The following SKAP1 variants were observed in gnomAD, a reference collection of about 807,000 sequenced individuals.
The protein encoded by SKAP1 is src kinase-associated phosphoprotein 1.
SKAP1 carries 44 observed loss-of-function variants against 58.5 expected under a neutral mutation model. The observed-to-expected ratio is 0.75, with a 90% confidence interval of 0.59 to 0.97. The LOEUF is 0.97. Ranked by LOEUF, SKAP1 falls within the 50% of genes least tolerant of loss-of-function variation. The pLI, the probability that SKAP1 is intolerant of heterozygous loss-of-function variation, is 0.00. For synonymous variants in SKAP1, 127 were observed against 149.7 expected (o/e 0.85, Z 1.11); for missense variants, 390 against 435.2 (o/e 0.90, Z 0.92).
At chr17:48,268,286 C>A (rs1470831) in intron 4 of SKAP1, among the ~76,000 whole-genome samples, 1 of 150,282 alleles carries the variant, frequency 6.7e-6, no homozygotes, top group African/African-American at 2.5e-5. Flanking sequence ...AAAAAACCCA[C>A]ACCTGTGTTA....
intron 4 of SKAP1, among the ~76,000 whole-genome samples, chr17:48,319,073 G>A (rs1198300069): frequency 2.0e-5 from 3 of 152,154 alleles, no homozygotes; most frequent in East Asian, 3.9e-4. Flanking sequence ...GGTTTTCTGA[G>A]AGAGTGAACA....
At chr17:48,372,472 A>G (rs1259330761) in intron 2 of SKAP1, among the ~76,000 whole-genome samples, 3 of 149,346 alleles carry the variant, frequency 2.0e-5, no homozygotes, top group African/African-American at 7.4e-5. Context: ...ATGCCCGGCT[A>G]ATTTTGTATT....
chr17:48,223,279 A>T (rs139783828), intron 4 of SKAP1, among the ~76,000 whole-genome samples: 1 of 152,272 alleles, frequency 6.6e-6, no homozygotes, highest in African/African-American at 2.4e-5. Flanking sequence ...CTTAACAAAG[A>T]TCTATGTAAG....
chr17:48,152,465 C>A (rs1305502553), intron 11 of SKAP1, among the ~76,000 whole-genome samples: 1 of 152,138 alleles, frequency 6.6e-6, no homozygotes, highest in Non-Finnish European at 1.5e-5. Context: ...GCCTCTTTGG[C>A]AGATTAGTGG....
intron 4 of SKAP1, among the ~76,000 whole-genome samples, chr17:48,280,472 G>A (rs570436807): frequency 5.3e-5 from 8 of 152,230 alleles, no homozygotes; most frequent in African/African-American, 1.7e-4. Context: ...GGGTGACAGA[G>A]TGAGACTCTG....
chr17:48,184,406 T>C (rs1186931845), intron 7 of SKAP1, among the ~76,000 whole-genome samples: 3 of 152,108 alleles, frequency 2.0e-5, no homozygotes, highest in African/African-American at 7.2e-5. Flanking sequence ...ATTTAAACCA[T>C]AAAATCGGAG....
chr17:48,262,363 G>T (rs1256117979), intron 4 of SKAP1, among the ~76,000 whole-genome samples: 1 of 152,154 alleles, frequency 6.6e-6, no homozygotes, highest in Non-Finnish European at 1.5e-5. Flanking sequence ...AAGAAAGCCA[G>T]AAAACTCCAA....
chr17:48,319,408 G>C (rs868305570), intron 4 of SKAP1, among the ~76,000 whole-genome samples: 8 of 152,202 alleles, frequency 5.3e-5, no homozygotes, highest in African/African-American at 1.7e-4. Context: ...AGAAAGAATT[G>C]GAGAAGACTT....
intron 5 of SKAP1, among the ~76,000 whole-genome samples, chr17:48,188,580 G>C (rs184985634): frequency 2.0e-5 from 3 of 152,232 alleles, no homozygotes; most frequent in East Asian, 3.9e-4. Flanking sequence ...TCAGCTCTTT[G>C]ACAGGCTGAA....
chr17:48,187,815 T>C (rs1356456113), intron 6 of SKAP1, 28 bp downstream of exon 6: 1 of 1,506,850 alleles, frequency 6.6e-7, no homozygotes, highest in East Asian at 2.3e-5. Context: ...AGGAGTGAGA[T>C]GCTGCTGTGT....
chr17:48,141,065 G>T (rs1268955385), intron 11 of SKAP1, among the ~76,000 whole-genome samples: 1 of 152,042 alleles, frequency 6.6e-6, no homozygotes, highest in African/African-American at 2.4e-5. Flanking sequence ...GGGATTACAG[G>T]TGTGAGCCAC....
In SKAP1 at chr17:48,149,793, C is replaced by G. The variant is rs528437790; in HGVS notation, c.979-12456G>C. 3.3e-3 allele frequency among the ~76,000 whole-genome samples: 505 copies of G among 152,254 alleles called. 7 individuals are homozygous for G. The highest frequency in any genetic ancestry group is 0.012 in the African/African-American group (493 of 41,554). ...ATGCACCATCGCTAGATATTTAACT[C>G]CTTTTTCTTTTAAATTAGCATTTTA... is the stretch of plus-strand genomic sequence containing the variant. On this transcript the variant is annotated intron_variant, in intron 11 of 12. Coordinates refer to ENST00000336915, the MANE Select transcript of SKAP1 (RefSeq NM_003726.4).
chr17:48,149,248 TC>T (rs891003083), intron 11 of SKAP1, among the ~76,000 whole-genome samples: 1 of 152,206 alleles, frequency 6.6e-6, no homozygotes, highest in African/African-American at 2.4e-5. Context: ...AGATTTTCTC[TC>T]CTTAAGTAGA....
At chr17:48,333,123 T>C (rs1027716449) in intron 4 of SKAP1, among the ~76,000 whole-genome samples, 6 of 152,142 alleles carry the variant, frequency 3.9e-5, no homozygotes, top group Non-Finnish European at 8.8e-5. Flanking sequence ...CAGCCATAAT[T>C]TCAATATACA....
At chr17:48,405,405 C>A (rs1443667678) in intron 1 of SKAP1, among the ~76,000 whole-genome samples, 1 of 60,210 alleles carries the variant, frequency 1.7e-5, no homozygotes, top group African/African-American at 6.3e-5. Flanking sequence ...TTCTTTCTTT[C>A]TTTCTTTCTT....
intron 4 of SKAP1, among the ~76,000 whole-genome samples, chr17:48,248,110 C>A (rs905463514): frequency 3.3e-5 from 5 of 152,134 alleles, no homozygotes; most frequent in African/African-American, 1.2e-4. Flanking sequence ...ATAAAAGAGG[C>A]CAATGAACAG....
chr17:48,316,288 G>A (rs1199410578), intron 4 of SKAP1, among the ~76,000 whole-genome samples: 2 of 152,058 alleles, frequency 1.3e-5, no homozygotes, highest in African/African-American at 4.8e-5. Flanking sequence ...CACAGGTGTG[G>A]CTCTAGCCAC....
chr17:48,278,407 AT>A (rs2065725934), intron 4 of SKAP1, among the ~76,000 whole-genome samples: 1 of 152,254 alleles, frequency 6.6e-6, no homozygotes, highest in Non-Finnish European at 1.5e-5. Context: ...ATAATAGAAT[AT>A]AATTCTAGCA....
intron 4 of SKAP1, among the ~76,000 whole-genome samples, chr17:48,236,314 A>AT (rs2065179826): frequency 6.6e-6 from 1 of 152,148 alleles, no homozygotes; most frequent in African/African-American, 2.4e-5. Context: ...CTATAATGCA[A>AT]TTTATCATTT....
Sources: gnomAD v4.1 joint callset for allele counts (sites outside exome capture counted in the v4.1 genomes callset) on GRCh38, gnomAD v4.1.1 for gene constraint, MANE v1.5 for transcripts, NCBI Gene and HGNC (gene_info 2026-07-23, HGNC 2026-07-21) for gene names.